Variants in SPATA22 observed in about 807,000 individuals in gnomAD.
SPATA22 encodes the protein spermatogenesis associated 22.
In SPATA22, 29 loss-of-function variants were observed where a neutral mutation model predicts 47.8. That is an observed-to-expected ratio of 0.61 (90% CI 0.45 to 0.83). The LOEUF (loss-of-function observed/expected upper bound fraction) is 0.83. Among genes scored for constraint, SPATA22 ranks in the 40% least tolerant of loss-of-function variants. The pLI, the probability that SPATA22 is intolerant of heterozygous loss-of-function variation, is 0.00. For missense variants in SPATA22, 410 were observed against 421.7 expected (o/e 0.97, Z 0.24); for synonymous variants, 133 against 140.9 (o/e 0.94, Z 0.40).
intron 1 of SPATA22, among the ~76,000 whole-genome samples, chr17:3,504,816 C>A (rs2074026926): frequency 6.6e-6 from 1 of 152,124 alleles, no homozygotes; most frequent in Non-Finnish European, 1.5e-5. Context: ...ACCTCGGCCT[C>A]CAAGAGTGCT....
At chr17:3,445,966 G>A (rs1382234171) in intron 7 of SPATA22, among the ~76,000 whole-genome samples, 1 of 152,050 alleles carries the variant, frequency 6.6e-6, no homozygotes, top group Non-Finnish European at 1.5e-5. Context: ...AGTCATCAAA[G>A]CCATGTTCCT....
chr17:3,444,562 A>G (rs1275990173), intron 7 of SPATA22, among the ~76,000 whole-genome samples: 1 of 152,082 alleles, frequency 6.6e-6, no homozygotes, highest in African/African-American at 2.4e-5. Context: ...TATAGTGTGG[A>G]GCCTTAAGAT....
intron 5 of SPATA22, among the ~76,000 whole-genome samples, chr17:3,450,432 A>G (rs2072830963): frequency 2.0e-5 from 3 of 152,198 alleles, no homozygotes; most frequent in Admixed American, 1.3e-4. Flanking sequence ...CCAGAAAAAA[A>G]TTGTTAGAAT....
chr17:3,467,365 C>T (rs1307954945), intron 3 of SPATA22, 61 bp downstream of exon 3: 1 of 1,305,366 alleles, frequency 7.7e-7, no homozygotes. Flanking sequence ...ATATAAATTA[C>T]AATTTTCTAT....
At chr17:3,477,270 C>A (rs1285734066) in intron 1 of SPATA22, among the ~76,000 whole-genome samples, 1 of 152,192 alleles carries the variant, frequency 6.6e-6, no homozygotes, top group African/African-American at 2.4e-5. Context: ...GAGATGAGAA[C>A]TAAAGACACC....
intron 7 of SPATA22, among the ~76,000 whole-genome samples, chr17:3,443,871 TC>T (rs138451766): frequency 0.33 from 49,759 of 151,652 alleles, 10,461 homozygotes; most frequent in Non-Finnish European, 0.48. Context: ...TCCATAGTTA[TC>T]CTTTGTGTGT....
At chr17:3,448,151 G>A (rs2072770518) in intron 6 of SPATA22, among the ~76,000 whole-genome samples, 1 of 152,234 alleles carries the variant, frequency 6.6e-6, no homozygotes. Flanking sequence ...CGAGTCTGAA[G>A]TGGCTAGAGC....
intron 5 of SPATA22, among the ~76,000 whole-genome samples, chr17:3,451,701 C>A (rs1289213572): frequency 3.3e-5 from 5 of 152,242 alleles, no homozygotes; most frequent in Non-Finnish European, 4.4e-5. Context: ...GTAATCCCAG[C>A]ACTTTGGGAG....
At chr17:3,449,463 A>T (rs2072807758) in intron 5 of SPATA22, among the ~76,000 whole-genome samples, 1 of 152,322 alleles carries the variant, frequency 6.6e-6, no homozygotes, top group African/African-American at 2.4e-5. Flanking sequence ...TTTTTAAATG[A>T]TAGCATTCTT....
intron 8 of SPATA22, among the ~76,000 whole-genome samples, chr17:3,442,786 A>G (rs1008999881): frequency 3.9e-5 from 6 of 151,964 alleles, no homozygotes; most frequent in Admixed American, 2.6e-4. Context: ...AAGATCTAGG[A>G]TAAGTTACCA....
intron 1 of SPATA22, among the ~76,000 whole-genome samples, chr17:3,497,671 G>A (rs1242101165): frequency 6.6e-6 from 1 of 152,168 alleles, no homozygotes. Flanking sequence ...GAAAACTGCG[G>A]TGATGCGGCA....
At chr17:3,496,797 T>C (rs946766869) in intron 1 of SPATA22, among the ~76,000 whole-genome samples, 86 of 152,188 alleles carry the variant, frequency 5.7e-4, no homozygotes, top group African/African-American at 1.6e-3. Context: ...CCAGGAGCGG[T>C]GGCTCACGCC....
chr17:3,475,933 C>T, upstream of SPATA22: 1 of 557,782 alleles, frequency 1.8e-6, no homozygotes, highest in Non-Finnish European at 3.2e-6. Context: ...TTGATCTTTG[C>T]ATATTTTAAT....
At position 3,454,731 on chromosome 17, in the gene SPATA22, G is replaced by C. The variant is rs550889002; in HGVS notation, c.330-5582C>G. Among the ~76,000 whole-genome samples the C allele has an allele frequency of 5.4e-3, 825 of 151,958 alleles. 6 individuals carry two copies. The highest frequency in any genetic ancestry group is 0.01 in the Middle Eastern group (3 of 294). On this transcript the variant is annotated intron_variant, in intron 5 of 8. Transcript: ENST00000572969. ...ACATTTGGGTTGGTTCCAAGTCTTT[G>C]CTATTGTGAATAGTGCCGCAATAAA...
rs1275076650 is a variant in SPATA22, at chr17:3,490,798, A to T, written c.-73-21400T>A. Among the ~76,000 whole-genome samples, 1 of 152,226 alleles carries T rather than the reference A, an allele frequency of 6.6e-6. No homozygotes were observed. The highest frequency in any genetic ancestry group is 6.5e-5 in the Admixed American group (1 of 15,270). ...TGGGTGGAAAACGTGGTTGGTTTTC[A>T]GATCATAGTCCATAGAATCCTATCA... On this transcript the variant is annotated intron_variant, in intron 1 of 8. Coordinates refer to the SPATA22 transcript ENST00000541913. The surrounding 1 kb of genome is among the most constrained non-coding windows in gnomAD (Gnocchi z 4.6).
chr17:3,455,352 A>G (rs374944262), intron 5 of SPATA22, among the ~76,000 whole-genome samples: 5 of 151,062 alleles, frequency 3.3e-5, no homozygotes, highest in African/African-American at 9.7e-5. Flanking sequence ...TTGGTGTTTT[A>G]GACATGAAGT....
chr17:3,453,319 C>T (rs931067522), intron 5 of SPATA22, among the ~76,000 whole-genome samples: 1 of 152,098 alleles, frequency 6.6e-6, no homozygotes, highest in African/African-American at 2.4e-5. Flanking sequence ...AAATTATACA[C>T]CATGATTAAC....
intron 1 of SPATA22, chr17:3,513,336 T>A (rs2150775556): frequency 6.5e-6 from 1 of 152,904 alleles, no homozygotes; most frequent in Admixed American, 6.5e-5. Context: ...CCAAGGATGG[T>A]CTCCTTTTCC....
chr17:3,459,212 G>A (rs754111644), intron 5 of SPATA22, among the ~76,000 whole-genome samples: 90 of 151,944 alleles, frequency 5.9e-4, no homozygotes, highest in Non-Finnish European at 1.1e-3. Context: ...TAGAGCATGA[G>A]GACTATAGTT....
Sources: gnomAD v4.1 joint callset for allele counts (sites outside exome capture counted in the v4.1 genomes callset) on GRCh38, gnomAD v4.1.1 for gene constraint, Gnocchi (gnomAD v3.1) non-coding constraint, MANE v1.5 for transcripts, NCBI Gene and HGNC (gene_info 2026-07-23, HGNC 2026-07-21) for gene names.